AMIGO3: variants seen among roughly 807,000 people sequenced by gnomAD.
AMIGO3 encodes the protein amphoterin-induced protein 3.
Under a neutral mutation model 4.3 loss-of-function variants are expected in AMIGO3, and 6 were observed. That is an observed-to-expected ratio of 1.39 (90% confidence interval 0.76 to 2.75). AMIGO3 has a LOEUF of 2.75. AMIGO3 is among the 30% of genes most tolerant of loss of function. AMIGO3 has a pLI of 0.00. For missense variants in AMIGO3, 771 were observed against 692.1 expected (o/e 1.11, Z -1.28); for synonymous variants, 315 against 320.0 (o/e 0.98, Z 0.17).
chr3:49,719,439 T>C lies in AMIGO3; in HGVS notation c.27A>G (p.Thr9=), dbSNP rs781557467. The C allele has an allele frequency of 2.5e-6, 4 of 1,613,312 alleles. No homozygotes were observed. The highest frequency in any genetic ancestry group is 3.3e-5 in the Admixed American group (2 of 60,010). ...ACCCAACGCGCAGCATGCAGAGCAG[T>C]GTCCCCAGCAGCACCAACCAGGTCA... The part of the protein sequence containing the change: MTWLVLLG[T]LLCMLRVGLG... The change falls in exon 1 of 1, where the codon ACA becomes ACG. Residue 9 remains threonine, a synonymous_variant. Transcript: ENST00000320431.
rs1045969778 is a variant in AMIGO3 at position 49,717,838 on chromosome 3, T to TG, written c.*112dup. 18 of 1,192,686 alleles carry TG rather than the reference T, an allele frequency of 1.5e-5. No individual in the cohort carries two copies. The Admixed American group carries it at 2.3e-4, about 16-fold the overall frequency. 73.9% of individuals were successfully genotyped at this position (1,192,686 alleles called of 1,614,324 possible). A position where few individuals can be genotyped will look rare whatever the true frequency, so the allele number is the denominator to read the frequency against. ...GTGTTTCGAGGCCCATACAGGAAGC[T>TG]GGGGGGCCAGGCACAGTGCTTCCCA... is the stretch of plus-strand genomic sequence containing the variant. On this transcript the variant is annotated 3_prime_UTR_variant, in exon 1 of 1. Transcript: ENST00000320431.
Position 49,718,584 on chromosome 3 carries a change from C to T in AMIGO3, c.882G>A (p.Arg294=). The stretch of plus-strand genomic sequence containing the variant: ...TGGTGTTGCAGTAAAGCCTCAGGGA[C>T]CGACCCACCAGCGCGTACAGGTGCT... ...PEEHLYALVG[R]SLRLYCNTSV... is the part of the protein sequence containing the mutation. Residue 294 remains arginine, a synonymous_variant, in exon 1 of 1, where the codon CGG becomes CGA. Transcript: ENST00000320431. 6.2e-7 allele frequency: 1 copy of T among 1,613,060 alleles called. No homozygotes were observed. The highest frequency in any genetic ancestry group is 8.5e-7 in the Non-Finnish European group (1 of 1,179,968).
In AMIGO3 at chr3:49,719,548, A is replaced by G; in HGVS notation, c.-83T>C. The G allele has an allele frequency of 8.2e-7, 1 of 1,224,622 alleles. No individual in the cohort carries two copies. 75.9% of individuals were successfully genotyped at this position (1,224,622 alleles called of 1,614,324 possible). A position where few individuals can be genotyped will look rare whatever the true frequency, so the allele number is the denominator to read the frequency against. Reference sequence around the variant, plus strand: ...TCACCCTCTTCTGCTCTAGTGCGACATGGGTGGCACCGGATGGCCCTTGCC... The same window carrying G: ...TCACCCTCTTCTGCTCTAGTGCGACGTGGGTGGCACCGGATGGCCCTTGCC... On this transcript the variant is annotated 5_prime_UTR_variant, in exon 1 of 1. It removes an upstream start codon present in the reference 5' UTR. Coordinates refer to ENST00000320431, the MANE Select transcript of AMIGO3 (RefSeq NM_198722.3).
Position 49,718,365 on chromosome 3 carries a change from G to A in AMIGO3, c.1101C>T (p.Tyr367=), listed in dbSNP as rs758352733. Residue 367 remains tyrosine, a synonymous_variant, in exon 1 of 1, where the codon TAC becomes TAT. Transcript: ENST00000320431. The part of the protein sequence containing the change: ...PRLHHNQTHE[Y]NVSVHFPRPE... ...GGCGCGGAAAGTGCACGCTCACGTT[G>A]TACTCGTGCGTCTGGTTGTGGTGCA... 1.9e-6 allele frequency: 3 copies of A among 1,613,394 alleles called. No individual in the cohort carries two copies. The highest frequency in any genetic ancestry group is 2.5e-6 in the Non-Finnish European group (3 of 1,179,952).
In AMIGO3 at chr3:49,718,936, AG is replaced by A. The variant is rs1483292202; in HGVS notation, c.529del (p.Leu177CysfsTer4). 1 of 1,613,750 alleles carries A rather than the reference AG, an allele frequency of 6.2e-7. No individual in the cohort carries two copies. Among genetic ancestry groups the A allele is most frequent in the Admixed American group, 1.7e-5 (1 of 60,032 alleles). ...CAGGTGGGTGGCGCTCAGACCGTGCAGGTGGTCGAAGGAGAACGAGGCGAGT... is the reference window on the plus strand; with the variant it reads ...CAGGTGGGTGGCGCTCAGACCGTGCAGTGGTCGAAGGAGAACGAGGCGAGT... ...NELASFSFDH[L>X]HGLSATHLLT... On this transcript the variant is annotated frameshift_variant, in exon 1 of 1. Transcript: ENST00000320431. LOFTEE classifies it low-confidence loss of function (END_TRUNC).
Position 49,716,856 on chromosome 3 carries a change from A to G in AMIGO3, c.*1095T>C, listed in dbSNP as rs1306370712. 1.0e-5 allele frequency: 2 copies of G among 195,958 alleles called. No individual in the cohort carries two copies. Among genetic ancestry groups the G allele is most frequent in the Admixed American group, 1.1e-4 (2 of 18,900 alleles). The allele number at this position is 195,958 out of a possible 1,614,324, so 12.1% of individuals were successfully genotyped here. On this transcript the variant is annotated 3_prime_UTR_variant, in exon 1 of 1. Coordinates refer to ENST00000320431, the MANE Select transcript of AMIGO3 (RefSeq NM_198722.3). ...GTCTGCAAAGGCTCTAGCAATAAGC[A>G]TGTGCTACCTTTATTAAACTCTGGA...
rs755271766 is a variant in AMIGO3 at position 49,718,111 on chromosome 3, T to A, written c.1355A>T (p.Lys452Met). The A allele has an allele frequency of 1.9e-6, 3 of 1,613,570 alleles. No homozygotes were observed. Among genetic ancestry groups the A allele is most frequent in the Non-Finnish European group, 2.5e-6 (3 of 1,180,044 alleles). Reference sequence around the variant, plus strand: ...GCCTGGCTCCAGAAAGACTACGTGCTTGTGGACGCTGGCCTTGCGGCTGGG... The same window carrying A: ...GCCTGGCTCCAGAAAGACTACGTGCATGTGGACGCTGGCCTTGCGGCTGGG... ...DAPSRKASVH[K>M]HVVFLEPGRR... Residue 452 changes from lysine (K) to methionine (M), a missense_variant, in exon 1 of 1, where the codon AAG becomes ATG. Physicochemically the swap from Lys to Met is moderately conservative, Grantham distance 95. Coordinates refer to ENST00000320431, the MANE Select transcript of AMIGO3 (RefSeq NM_198722.3).
rs1237807033 is a variant in AMIGO3 at position 49,718,133 on chromosome 3, T to A, written c.1333A>T (p.Ser445Cys). 7 of 1,613,342 alleles carry A rather than the reference T, an allele frequency of 4.3e-6. No homozygotes were observed. In the East Asian group the frequency reaches 1.6e-4, roughly 36 times the overall value. Residue 445 changes from serine to cysteine, a missense_variant, in exon 1 of 1, where the codon AGC becomes TGC. Coordinates refer to ENST00000320431, the MANE Select transcript of AMIGO3 (RefSeq NM_198722.3). ...TGCTTGTGGACGCTGGCCTTGCGGC[T>A]GGGTGCGTCTGGCGGTGTGGTGCTG... ...VLSTTPPDAP[S>C]RKASVHKHVV...
chr3:49,719,422 C>T lies in AMIGO3; in HGVS notation c.44G>A (p.Arg15His), dbSNP rs753401818. The change falls in exon 1 of 1, where the codon CGC becomes CAC. Residue 15 changes from arginine to histidine, a missense_variant. Transcript: ENST00000320431. ...VLLGTLLCML[R>H]VGLGTPDSEG... ...GGAGTCCGGGGTGCCTAACCCAACG[C>T]GCAGCATGCAGAGCAGTGTCCCCAG... The T allele has an allele frequency of 1.2e-6, 2 of 1,613,464 alleles. No individual in the cohort carries two copies. The highest frequency in any genetic ancestry group is 1.7e-6 in the Non-Finnish European group (2 of 1,180,018).
In AMIGO3 at chr3:49,719,001, G is replaced by A. The variant is rs1373683674; in HGVS notation, c.465C>T (p.Gly155=). ...GGTAGAGATGGCTGAGCGCGCGCAGGCCGTGGAAGGCATGCTCGTCCAAGT... is the reference window on the plus strand; with the variant it reads ...GGTAGAGATGGCTGAGCGCGCGCAGACCGTGGAAGGCATGCTCGTCCAAGT... The part of the protein sequence containing the change: ...LVHLDEHAFH[G]LRALSHLYLG... Residue 155 remains glycine, a synonymous_variant, in exon 1 of 1, where the codon GGC becomes GGT. Transcript: ENST00000320431. 2 of 1,613,736 alleles carry A rather than the reference G, an allele frequency of 1.2e-6. No homozygotes were observed. Among genetic ancestry groups the A allele is most frequent in the African/African-American group, 1.3e-5 (1 of 74,954 alleles).
In AMIGO3 at chr3:49,718,396, G is replaced by A; in HGVS notation, c.1070C>T (p.Pro357Leu). Residue 357 changes from proline to leucine, a missense_variant, in exon 1 of 1, where the codon CCC becomes CTC. By Grantham distance (98) the Pro-to-Leu change is moderately conservative. Transcript: ENST00000320431. Reference protein sequence around the residue: ...AGLFVCLATGPRLHHNQTHEY... With the variant: ...AGLFVCLATGLRLHHNQTHEY... Reference sequence around the variant, plus strand: ...GTGCGTCTGGTTGTGGTGCAGGCGGGGCCCAGTGGCCAGGCACACGAAGAG... The same window carrying A: ...GTGCGTCTGGTTGTGGTGCAGGCGGAGCCCAGTGGCCAGGCACACGAAGAG... 6.2e-7 allele frequency: 1 copy of A among 1,613,182 alleles called. No individual in the cohort carries two copies. The highest frequency in any genetic ancestry group is 1.7e-4 in the Middle Eastern group (1 of 6,060).
rs1049763785 is a variant in AMIGO3, at chr3:49,717,192, C to T, written c.*759G>A. The T allele has an allele frequency of 2.0e-5, 3 of 153,342 alleles. No individual in the cohort carries two copies. Among genetic ancestry groups the T allele is most frequent in the African/African-American group, 7.2e-5 (3 of 41,486 alleles). The allele number at this position is 153,342 out of a possible 1,614,324, so 9.5% of individuals were successfully genotyped here. A position where few individuals can be genotyped will look rare whatever the true frequency, so the allele number is the denominator to read the frequency against. On this transcript the variant is annotated 3_prime_UTR_variant, in exon 1 of 1. Transcript: ENST00000320431. The stretch of plus-strand genomic sequence containing the variant: ...GTGTCTTGTGAGCCCACAGAATGGG[C>T]TCTGCCTTCAGAACAACGGGTGGAT...
In AMIGO3 at chr3:49,718,923, G is replaced by A. The variant is rs2080317881; in HGVS notation, c.543C>T (p.Ser181=). The change falls in exon 1 of 1, where the codon AGC becomes AGT. Residue 181 remains serine (S), a synonymous_variant. Transcript: ENST00000320431. The part of the protein sequence containing the change: ...SFSFDHLHGL[S]ATHLLTLDLS... Reference sequence around the variant, plus strand: ...GGTCCAGAGTAAGCAGGTGGGTGGCGCTCAGACCGTGCAGGTGGTCGAAGG... The same window carrying A: ...GGTCCAGAGTAAGCAGGTGGGTGGCACTCAGACCGTGCAGGTGGTCGAAGG... The A allele has an allele frequency of 6.2e-7, 1 of 1,613,708 alleles. No homozygotes were observed. The highest frequency in any genetic ancestry group is 8.5e-7 in the Non-Finnish European group (1 of 1,180,026).
At position 49,718,940 on chromosome 3, in the gene AMIGO3, G is replaced by T. The variant is rs138335505; in HGVS notation, c.526C>A (p.His176Asn). 30 of 1,613,764 alleles carry T rather than the reference G, an allele frequency of 1.9e-5. No individual in the cohort carries two copies. The African/African-American group carries it at 3.5e-4, about 19-fold the overall frequency. The change falls in exon 1 of 1, where the codon CAC (histidine) becomes AAC (asparagine). Residue 176 changes from histidine to asparagine, a missense_variant. Transcript: ENST00000320431. ...CNELASFSFD[H>N]LHGLSATHLL... is the part of the protein sequence containing the mutation. ...TGGGTGGCGCTCAGACCGTGCAGGT[G>T]GTCGAAGGAGAACGAGGCGAGTTCG...
rs1485853499 is a variant in AMIGO3 at position 49,717,641 on chromosome 3, G to A, written c.*310C>T. On this transcript the variant is annotated 3_prime_UTR_variant, in exon 1 of 1. Transcript: ENST00000320431. Reference sequence around the variant, plus strand: ...AGCTGTGCTGTGTTGAAAGCCACAGGGGCCTGGGTCTCTCAGCCTCACAGG... The same window carrying A: ...AGCTGTGCTGTGTTGAAAGCCACAGAGGCCTGGGTCTCTCAGCCTCACAGG... 2.1e-6 allele frequency: 1 copy of A among 473,326 alleles called. No homozygotes were observed. Among genetic ancestry groups the A allele is most frequent in the African/African-American group, 2.0e-5 (1 of 51,258 alleles). The allele number at this position is 473,326 out of a possible 1,614,324, so 29.3% of individuals were successfully genotyped here.
rs757049755 is a variant in AMIGO3 at position 49,718,211 on chromosome 3, A to AGCGGCGGCAGCGGCAGGCACG, written c.1234_1254dup (p.Arg412_Arg418dup). 5.5e-5 allele frequency: 88 copies of AGCGGCGGCAGCGGCAGGCACG among 1,610,728 alleles called. 2 individuals are homozygous for AGCGGCGGCAGCGGCAGGCACG. Among genetic ancestry groups the AGCGGCGGCAGCGGCAGGCACG allele is most frequent in the East Asian group, 4.5e-4 (20 of 44,858 alleles). On this transcript the variant is annotated inframe_insertion, in exon 1 of 1. Transcript: ENST00000320431. ...TGGAGCGGGCTGGGTGTTTGGGGCC[A>AGCGGCGGCAGCGGCAGGCACG]GCGGCGGCAGCGGCAGGCACGGCGG...
At position 49,718,612 on chromosome 3, in the gene AMIGO3, TC is replaced by T. The variant is rs1478028466; in HGVS notation, c.853del (p.Glu285LysfsTer12). 2 of 1,612,864 alleles carry T rather than the reference TC, an allele frequency of 1.2e-6. No homozygotes were observed. The highest frequency in any genetic ancestry group is 1.7e-6 in the Non-Finnish European group (2 of 1,179,954). On this transcript the variant is annotated frameshift_variant, in exon 1 of 1. Transcript: ENST00000320431. LOFTEE classifies it low-confidence loss of function (END_TRUNC). ...ACCCACCAGCGCGTACAGGTGCTCT[TC>T]CGGCCGCTCTAGGCCAAGAGCTGGG... Reference protein sequence around the residue: ...SAPALGLERPEEHLYALVGRS... With the variant: ...SAPALGLERPXEHLYALVGRS...
At position 49,719,110 on chromosome 3, in the gene AMIGO3, T is replaced by C; in HGVS notation, c.356A>G (p.Asn119Ser). The C allele has an allele frequency of 1.2e-6, 2 of 1,613,532 alleles. No homozygotes were observed. The highest frequency in any genetic ancestry group is 1.7e-6 in the Non-Finnish European group (2 of 1,180,002). Reference sequence around the variant, plus strand: ...GTGGCGGCCAAGCGCCCGCAACGTGTTAGATGATAGATCGAGCAGCCTCAG... The same window carrying C: ...GTGGCGGCCAAGCGCCCGCAACGTGCTAGATGATAGATCGAGCAGCCTCAG... ...SGLRLLDLSS[N>S]TLRALGRHDL... is the part of the protein sequence containing the mutation. Residue 119 changes from asparagine (N) to serine (S), a missense_variant, in exon 1 of 1, where the codon AAC becomes AGC. Coordinates refer to ENST00000320431, the MANE Select transcript of AMIGO3 (RefSeq NM_198722.3).
rs762469829 is a variant in AMIGO3 at position 49,717,971 on chromosome 3, C to T, written c.1495G>A (p.Glu499Lys). ...GCAGTCTAGGTTGTCATGGGACCCT[C>T]GGAGCCTATGGAGCTGGCGGACTCA... ...GSESASSIGSEGPMTT is the reference protein window; with the variant it reads ...GSESASSIGSKGPMTT Residue 499 changes from glutamate to lysine, a missense_variant, in exon 1 of 1, where the codon GAG becomes AAG. Coordinates refer to ENST00000320431, the MANE Select transcript of AMIGO3 (RefSeq NM_198722.3). 22 of 1,613,108 alleles carry T rather than the reference C, an allele frequency of 1.4e-5. No homozygotes were observed. Among genetic ancestry groups the T allele is most frequent in the Non-Finnish European group, 1.7e-5 (20 of 1,179,880 alleles).
Sources: gnomAD v4.1 joint callset for allele counts on GRCh38, gnomAD v4.1.1 for gene constraint, MANE v1.5 for transcripts, NCBI Gene and HGNC (gene_info 2026-07-23, HGNC 2026-07-21) for gene names.